OSBPL10: variants seen among roughly 807,000 people sequenced by gnomAD.
The protein encoded by OSBPL10 is oxysterol-binding protein-related protein 10.
OSBPL10 carries 49 observed loss-of-function variants against 81.7 expected under a neutral mutation model. The ratio of observed to expected loss-of-function variants is 0.60; its 90% confidence interval spans 0.48 to 0.76. The LOEUF is 0.76. OSBPL10 is among the 30% of genes least tolerant of loss of function. The probability of loss-of-function intolerance (pLI) is 0.00; values close to 1 mark genes in which losing one functional copy is unlikely to be tolerated. For missense variants in OSBPL10, 923 were observed against 987.8 expected (o/e 0.93, Z 0.88); for synonymous variants, 419 against 383.6 (o/e 1.09, Z -1.08).
chr3:32,032,705 GTT>G (rs1349272041), intron 2 of OSBPL10, among the ~76,000 whole-genome samples: 1 of 152,170 alleles, frequency 6.6e-6, no homozygotes, highest in African/African-American at 2.4e-5. Context: ...CTATTGAACA[GTT>G]GACTTAAGTT....
rs1700000935 is a variant in OSBPL10 at position 31,822,422 on chromosome 3, GTGT to G, written c.729+7615_729+7617del. Among the ~76,000 whole-genome samples the G allele has an allele frequency of 2.6e-5, 4 of 152,222 alleles. No homozygotes were observed. The Middle Eastern group carries it at 0.01, about 388-fold the overall frequency. On this transcript the variant is annotated intron_variant, in intron 4 of 11. Transcript: ENST00000396556. ...ATCCAAAGCCTCCCTACTGAATTAAGTGTTGTTTTTTAAGTCTCAAATGTCACA... is the reference window on the plus strand; with the variant it reads ...ATCCAAAGCCTCCCTACTGAATTAAGTGTTTTTTAAGTCTCAAATGTCACA...
chr3:31,993,211 T>TATTTC, intron 2 of OSBPL10, among the ~76,000 whole-genome samples: 1 of 151,112 alleles, frequency 6.6e-6, no homozygotes, highest in Admixed American at 6.6e-5. Flanking sequence ...TATTTTATTT[T>TATTTC]ATTTTATTTT....
intron 1 of OSBPL10, among the ~76,000 whole-genome samples, chr3:31,910,369 TCACG>T (rs1696539346): frequency 6.6e-6 from 1 of 151,308 alleles, no homozygotes; most frequent in African/African-American, 2.4e-5. Flanking sequence ...GCGCGGTGGC[TCACG>T]CCTGTAATCC....
rs386396290 is a variant in OSBPL10, at chr3:31,905,345, A to ATTTTTTT, written c.282-25522_282-25516dup. ...GAGCTCTATGTCAAGGAACCTGGTG[A>ATTTTTTT]TTTTTTTTTTTTTTTTTTTTTTTAG... On this transcript the variant is annotated intron_variant, in intron 1 of 11. Transcript: ENST00000396556. 1.7e-3 allele frequency among the ~76,000 whole-genome samples: 165 copies of ATTTTTTT among 94,802 alleles called. 11 individuals are homozygous for ATTTTTTT. The highest frequency in any genetic ancestry group is 0.012 in the East Asian group (31 of 2,586). The allele number at this position is 94,802 out of a possible 152,430, so 62.2% of individuals were successfully genotyped here.
chr3:31,862,429 C>T (rs1278152475), intron 3 of OSBPL10, among the ~76,000 whole-genome samples: 3 of 152,038 alleles, frequency 2.0e-5, no homozygotes, highest in Admixed American at 6.6e-5. Flanking sequence ...AAGATGTCTG[C>T]GTTCCACCCT....
At chr3:31,724,265 T>A (rs1169215289) in intron 6 of OSBPL10, among the ~76,000 whole-genome samples, 2 of 152,210 alleles carry the variant, frequency 1.3e-5, no homozygotes, top group Non-Finnish European at 1.5e-5. Flanking sequence ...GGAGAGATTA[T>A]ACCACTCGGT....
chr3:32,062,091 T>TTTTG (rs1553652328), intron 1 of OSBPL10, among the ~76,000 whole-genome samples: 1 of 90,694 alleles, frequency 1.1e-5, no homozygotes, highest in African/African-American at 2.8e-5. Flanking sequence ...TTATTGGTTT[T>TTTTG]TTGTTGTTGT....
chr3:31,735,623 T>C (rs889466995), intron 5 of OSBPL10, among the ~76,000 whole-genome samples: 1 of 152,168 alleles, frequency 6.6e-6, no homozygotes, highest in African/African-American at 2.4e-5. Context: ...TTCATGACAG[T>C]CTTAGAGTGT....
Position 31,990,368 on chromosome 3 carries a change from A to G in OSBPL10, n.298+56123T>C, listed in dbSNP as rs1288819978. On this transcript the variant is annotated intron_variant and non_coding_transcript_variant, in intron 2 of 3. Transcript: ENST00000479173. ...GAAGAGAGATCTTACAAGTGTAATA[A>G]ATGTGGCAAATTTTTTAGACGTCGT... 1.7e-5 allele frequency: 28 copies of G among 1,613,956 alleles called. No homozygotes were observed. The highest frequency in any genetic ancestry group is 2.4e-5 in the Non-Finnish European group (28 of 1,179,982).
At chr3:31,915,403 C>T (rs910445300) in intron 1 of OSBPL10, among the ~76,000 whole-genome samples, 4 of 152,022 alleles carry the variant, frequency 2.6e-5, no homozygotes, top group Admixed American at 2.0e-4. Flanking sequence ...AAATGTGGTA[C>T]ACATATATCA....
chr3:31,788,518 C>G (rs1698918341), intron 4 of OSBPL10, among the ~76,000 whole-genome samples: 1 of 152,078 alleles, frequency 6.6e-6, no homozygotes, highest in Non-Finnish European at 1.5e-5. Context: ...GCCTGGAAGA[C>G]TAAAAATCAC....
At chr3:31,885,106 C>T (rs749958164) in intron 1 of OSBPL10, among the ~76,000 whole-genome samples, 51 of 152,282 alleles carry the variant, frequency 3.3e-4, no homozygotes, top group Middle Eastern at 3.4e-3. Flanking sequence ...CCATTGCCTA[C>T]TAACATCCTT....
At chr3:31,820,317 C>T (rs1012179923) in intron 4 of OSBPL10, among the ~76,000 whole-genome samples, 1 of 152,120 alleles carries the variant, frequency 6.6e-6, no homozygotes, top group Non-Finnish European at 1.5e-5. Context: ...ATAATTACAG[C>T]TGGGCACGGT....
intron 1 of OSBPL10, among the ~76,000 whole-genome samples, chr3:31,920,379 T>C (rs1232815218): frequency 6.6e-6 from 1 of 152,160 alleles, no homozygotes; most frequent in Non-Finnish European, 1.5e-5. Flanking sequence ...AATCTAATTG[T>C]ATTACAAATG....
intron 3 of OSBPL10, among the ~76,000 whole-genome samples, chr3:31,862,138 C>T (rs376967865): frequency 9.2e-5 from 14 of 152,148 alleles, no homozygotes; most frequent in African/African-American, 2.7e-4. Context: ...AAATATCTCA[C>T]GTACCTCATA....
chr3:31,690,895 C>G (rs112809430), intron 7 of OSBPL10, among the ~76,000 whole-genome samples: 29 of 147,464 alleles, frequency 2.0e-4, no homozygotes, highest in African/African-American at 7.2e-4. Flanking sequence ...TCTTCCTCTC[C>G]TACAATCTCC....
intron 1 of OSBPL10, among the ~76,000 whole-genome samples, chr3:31,943,065 T>G (rs1254994748): frequency 6.6e-6 from 1 of 152,242 alleles, no homozygotes; most frequent in Non-Finnish European, 1.5e-5. Flanking sequence ...TCTATGAATC[T>G]GGCTAGTATT....
At chr3:31,988,998 G>T in intron 2 of OSBPL10, 1 of 1,544,098 alleles carries the variant, frequency 6.5e-7, no homozygotes, top group Non-Finnish European at 8.8e-7. Flanking sequence ...TTTGTTTCTC[G>T]GAAACAGATA....
At chr3:31,989,959 G>C (rs951361461) in intron 2 of OSBPL10, 4 of 1,613,968 alleles carry the variant, frequency 2.5e-6, no homozygotes, top group Admixed American at 3.3e-5. Flanking sequence ...ATGTGGCAAG[G>C]TTTTTAATCA....
Sources: gnomAD v4.1 joint callset for allele counts (sites outside exome capture counted in the v4.1 genomes callset) on GRCh38, gnomAD v4.1.1 for gene constraint, MANE v1.5 for transcripts, NCBI Gene and HGNC (gene_info 2026-07-23, HGNC 2026-07-21) for gene names.